POU3F3: variants seen among roughly 807,000 people sequenced by gnomAD.
POU3F3 encodes the protein POU domain, class 3, transcription factor 3.
Under a neutral mutation model 8.6 loss-of-function variants are expected in POU3F3, and 1 was observed. The observed-to-expected ratio is 0.12, with a 90% CI of 0.04 to 0.55. POU3F3 has a LOEUF of 0.55. POU3F3 is among the 20% of genes least tolerant of loss of function. The pLI is 0.91. For synonymous variants in POU3F3, 418 were observed against 327.4 expected, an observed-to-expected ratio of 1.28 and a Z score of -2.99; for missense variants, 577 against 690.7, an observed-to-expected ratio of 0.84 and a Z score of 1.84.
At chr2:104,898,453 A>G in the POU3F3 span, among the ~76,000 whole-genome samples, 3 of 152,230 alleles carry the variant, frequency 2.0e-5, no homozygotes, top group Admixed American at 6.5e-5. Context: ...AGTGTGATCA[A>G]TTATGCTATC....
At chr2:104,879,259 G>A in the POU3F3 span, among the ~76,000 whole-genome samples, 5 of 151,892 alleles carry the variant, frequency 3.3e-5, no homozygotes. Context: ...AGGAGCCTAT[G>A]TCTTAAGCCG....
downstream of POU3F3, among the ~76,000 whole-genome samples, chr2:104,861,575 G>C (rs2104344607): frequency 6.6e-6 from 1 of 152,228 alleles, no homozygotes; most frequent in African/African-American, 2.4e-5. Context: ...CAGTGACCCA[G>C]AAACAAGGTG....
the POU3F3 span, among the ~76,000 whole-genome samples, chr2:104,889,236 A>G: frequency 6.6e-6 from 1 of 152,230 alleles, no homozygotes; most frequent in Non-Finnish European, 1.5e-5. Context: ...TGGCCATGAA[A>G]TACTAGGCTC....
the POU3F3 span, among the ~76,000 whole-genome samples, chr2:104,875,242 G>C: frequency 6.6e-6 from 1 of 152,156 alleles, no homozygotes; most frequent in Non-Finnish European, 1.5e-5. Context: ...ATCTGTCCCC[G>C]GACACTTGAG....
At chr2:104,872,519 AC>A in the POU3F3 span, 11 of 341,156 alleles carry the variant, frequency 3.2e-5, no homozygotes, top group African/African-American at 2.4e-4. The surrounding 1 kb of genome is among the most constrained non-coding windows in gnomAD (Gnocchi z 4.6). Flanking sequence ...TCTTCAGCTT[AC>A]CCTTTCCTCC....
chr2:104,906,437 G>C, the POU3F3 span, among the ~76,000 whole-genome samples: 1 of 152,112 alleles, frequency 6.6e-6, no homozygotes, highest in Non-Finnish European at 1.5e-5. Flanking sequence ...GCTTTCTGTT[G>C]CGTTTTAGTG....
the POU3F3 span, among the ~76,000 whole-genome samples, chr2:104,888,209 T>G: frequency 6.6e-6 from 1 of 152,228 alleles, no homozygotes; most frequent in Non-Finnish European, 1.5e-5. Context: ...ATGGACATAT[T>G]TTTACAGGTT....
the POU3F3 span, among the ~76,000 whole-genome samples, chr2:104,919,590 C>T: frequency 2.0e-5 from 3 of 152,208 alleles, no homozygotes; most frequent in African/African-American, 7.2e-5. Flanking sequence ...TTTAAGCCTG[C>T]AGCTTCGGTT....
Position 104,856,197 on chromosome 2 carries a change from G to A in POU3F3, c.687G>A (p.Thr229=), listed in dbSNP as rs761600759. 7.9e-7 allele frequency: 1 copy of A among 1,265,504 alleles called. No homozygotes were observed. Among genetic ancestry groups the A allele is most frequent in the Non-Finnish European group, 9.9e-7 (1 of 1,012,618 alleles). The allele number at this position is 1,265,504 out of a possible 1,614,324, so 78.4% of individuals were successfully genotyped here. A position where few individuals can be genotyped will look rare whatever the true frequency, so the allele number is the denominator to read the frequency against. ...SLLYSQPGGF[T]VNGMLSAPPG... ...TCTACTCGCAGCCCGGAGGCTTCAC[G>A]GTGAACGGCATGCTGAGCGCGCCAC... Residue 229 remains threonine, a synonymous_variant, in exon 1 of 1, where the codon ACG becomes ACA. Coordinates refer to ENST00000361360, the MANE Select transcript of POU3F3 (RefSeq NM_006236.3).
rs1288442521 is a variant in POU3F3, at chr2:104,855,633, G to C, written c.123G>C (p.Gly41=). The C allele has an allele frequency of 9.2e-5, 89 of 966,696 alleles. No individual in the cohort carries two copies. The South Asian group carries it at 1.4e-3, about 15-fold the overall frequency. The allele number at this position is 966,696 out of a possible 1,614,324, so 59.9% of individuals were successfully genotyped here. The change falls in exon 1 of 1, where the codon GGG becomes GGC. Residue 41 remains glycine, a synonymous_variant. Coordinates refer to ENST00000361360, the MANE Select transcript of POU3F3 (RefSeq NM_006236.3). ...GGGGGGGGGG[G]GGAGGGGGGM... Reference sequence around the variant, plus strand: ...GGGGTGGCGGCGGCGGCGGCGGCGGGGGCGGCGCAGGGGGCGGGGGCGGCG... The same window carrying C: ...GGGGTGGCGGCGGCGGCGGCGGCGGCGGCGGCGCAGGGGGCGGGGGCGGCG...
At chr2:104,894,523 G>A in the POU3F3 span, among the ~76,000 whole-genome samples, 2 of 152,062 alleles carry the variant, frequency 1.3e-5, no homozygotes, top group Admixed American at 6.5e-5. Context: ...CCTGTAGCCT[G>A]CCTGCACGAG....
At chr2:104,875,392 TG>T in the POU3F3 span, among the ~76,000 whole-genome samples, 2 of 152,368 alleles carry the variant, frequency 1.3e-5, no homozygotes, top group South Asian at 4.1e-4. Context: ...TTTTCTTTTT[TG>T]TTTTTTGAGG....
chr2:104,927,465 A>T, the POU3F3 span, among the ~76,000 whole-genome samples: 1 of 152,118 alleles, frequency 6.6e-6, no homozygotes, highest in African/African-American at 2.4e-5. Context: ...TACAATTTTT[A>T]AAAAATGGGT....
the POU3F3 span, among the ~76,000 whole-genome samples, chr2:104,884,319 T>C: frequency 5.9e-5 from 9 of 152,178 alleles, no homozygotes; most frequent in Admixed American, 2.6e-4. Flanking sequence ...TCTGGTCAAG[T>C]GTAGGATGAG....
chr2:104,861,410 G>A (rs1362407431), downstream of POU3F3, among the ~76,000 whole-genome samples: 5 of 152,160 alleles, frequency 3.3e-5, no homozygotes, highest in Admixed American at 3.3e-4. Context: ...CAGAAAGACA[G>A]AAATTAAAGA....
chr2:104,872,392 G>T, the POU3F3 span: 1 of 455,880 alleles, frequency 2.2e-6, no homozygotes, highest in Non-Finnish European at 4.4e-6. This position sits in a 1 kb window ranked among gnomAD's most constrained non-coding sequence, Gnocchi z 4.6. Context: ...AGAAAACCGG[G>T]TATGGGGGAA....
chr2:104,902,258 T>C, the POU3F3 span, among the ~76,000 whole-genome samples: 1 of 152,196 alleles, frequency 6.6e-6, no homozygotes, highest in African/African-American at 2.4e-5. Context: ...ATCATCTGTT[T>C]TTAAAAACCA....
At chr2:104,876,807 T>C in the POU3F3 span, among the ~76,000 whole-genome samples, 1 of 152,240 alleles carries the variant, frequency 6.6e-6, no homozygotes, top group East Asian at 1.9e-4. Flanking sequence ...CAGCAAGCCT[T>C]GGCAGAGACC....
chr2:104,877,033 A>G, the POU3F3 span, among the ~76,000 whole-genome samples: 1 of 149,790 alleles, frequency 6.7e-6, no homozygotes, highest in African/African-American at 2.5e-5. Flanking sequence ...CAAAAGGAAA[A>G]ATCATGACTG....
Sources: allele counts gnomAD v4.1 joint callset (sites outside exome capture counted in the v4.1 genomes callset), GRCh38; gene constraint gnomAD v4.1.1; non-coding constraint Gnocchi (gnomAD v3.1); transcripts MANE v1.5; gene names NCBI Gene and HGNC (gene_info 2026-07-23, HGNC 2026-07-21).